MGAT4C: variants seen among roughly 807,000 people sequenced by gnomAD.
MGAT4C encodes the protein MGAT4 family member C, also known as alpha-1,3-mannosyl-glycoprotein 4-beta-N-acetylglucosaminyltransferase C.
Under a neutral mutation model 40.1 loss-of-function variants are expected in MGAT4C, and 19 were observed. The observed-to-expected ratio is 0.47, with a 90% confidence interval of 0.33 to 0.70. The LOEUF is 0.70. Among genes scored for constraint, MGAT4C ranks in the 30% least tolerant of loss-of-function variants. The pLI, the probability that MGAT4C is intolerant of heterozygous loss-of-function variation, is 0.02. For synonymous variants in MGAT4C, 181 were observed against 187.1 expected (o/e 0.97, Z 0.27); for missense variants, 491 against 563.2 (o/e 0.87, Z 1.30).
chr12:86,026,424 T>A (rs376953783), intron 2 of MGAT4C, among the ~76,000 whole-genome samples: 1 of 151,840 alleles, frequency 6.6e-6, no homozygotes, highest in East Asian at 1.9e-4. Context: ...TTTGTTTCTT[T>A]CACTATATCT....
Position 86,419,668 on chromosome 12 carries a change from A to T in MGAT4C, c.-120+15489T>A, listed in dbSNP as rs930369943. 9.1e-4 allele frequency among the ~76,000 whole-genome samples: 138 copies of T among 152,176 alleles called. 2 individuals carry two copies. Among genetic ancestry groups the T allele is most frequent in the Admixed American group, 1.2e-3 (19 of 15,270 alleles). On this transcript the variant is annotated intron_variant, in intron 3 of 7. Coordinates refer to the MGAT4C transcript ENST00000548651. ...AATGGATAGTAATATTTTGGTACTC[A>T]AGTGGAGATGAATGGACAAGGCCAT...
chr12:86,305,858 T>G lies in MGAT4C; in HGVS notation c.-57+28207A>C, dbSNP rs1395878255. Among the ~76,000 whole-genome samples the G allele has an allele frequency of 3.3e-5, 5 of 150,528 alleles. 2 individuals carry two copies. The highest frequency in any genetic ancestry group is 1.3e-4 in the African/African-American group (5 of 39,964). ...TTTTTTAATATTTTCAATCTGTGAT[T>G]TGTTGAATCCAGGGATGCGATATCA... On this transcript the variant is annotated intron_variant, in intron 4 of 7. Coordinates refer to the MGAT4C transcript ENST00000548651.
intron 1 of MGAT4C, among the ~76,000 whole-genome samples, chr12:86,055,725 C>T (rs1036949402): frequency 2.6e-5 from 4 of 151,910 alleles, no homozygotes; most frequent in Non-Finnish European, 5.9e-5. Flanking sequence ...CAACTGGCAG[C>T]TGGGTGCTTC....
At chr12:86,198,557 T>C (rs2135925661) in intron 1 of MGAT4C, among the ~76,000 whole-genome samples, 1 of 152,310 alleles carries the variant, frequency 6.6e-6, no homozygotes, top group Middle Eastern at 3.4e-3. Context: ...TTCCATCAGA[T>C]CTTCTCATTT....
intron 2 of MGAT4C, among the ~76,000 whole-genome samples, chr12:86,520,708 T>C (rs1958778614): frequency 6.6e-6 from 1 of 152,160 alleles, no homozygotes; most frequent in African/African-American, 2.4e-5. Flanking sequence ...TGTATAAGCA[T>C]TCCTTTTTCT....
At chr12:86,581,705 G>C (rs1006928555) in intron 2 of MGAT4C, among the ~76,000 whole-genome samples, 11 of 106,658 alleles carry the variant, frequency 1.0e-4, no homozygotes, top group African/African-American at 3.5e-4. Context: ...AAATATGTCT[G>C]TTATGGATCA....
At chr12:86,464,159 T>C (rs1957643212) in intron 2 of MGAT4C, among the ~76,000 whole-genome samples, 1 of 152,138 alleles carries the variant, frequency 6.6e-6, no homozygotes, top group Non-Finnish European at 1.5e-5. Flanking sequence ...TTTTTTTCCT[T>C]GATGCCTCAC....
chr12:86,421,505 C>A (rs888224908), intron 3 of MGAT4C, among the ~76,000 whole-genome samples: 1 of 152,184 alleles, frequency 6.6e-6, no homozygotes, highest in African/African-American at 2.4e-5. Context: ...GGCGCCATGG[C>A]TCACGCCTGT....
rs763067361 is a variant in MGAT4C, at chr12:85,980,372, C to G, written c.354G>C (p.Glu118Asp). The change falls in exon 5 of 5, where the codon GAG becomes GAC. Residue 118 changes from glutamate (E) to aspartate (D), a missense_variant. Glu to Asp is a conservative substitution (Grantham distance 45). Transcript: ENST00000611864. ...ATTGCTCAAAAATTGACTTAATTGT[C>G]TCAAGTAAATAGTTTCCTTTTTTTC... ...VKRKKGNYLL[E>D]TIKSIFEQSS... 27 of 1,612,800 alleles carry G rather than the reference C, an allele frequency of 1.7e-5. No individual in the cohort carries two copies. In the Admixed American group the frequency reaches 4.3e-4, roughly 26 times the overall value.
At chr12:86,581,365 CATGGAGTGATTCTGAAT>C (rs1960772096) in intron 2 of MGAT4C, among the ~76,000 whole-genome samples, 1 of 151,406 alleles carries the variant, frequency 6.6e-6, no homozygotes, top group South Asian at 2.1e-4. Flanking sequence ...GCCAGTTCTT[CATGGAGTGATTCTGAAT>C]ATTAGGCCAA....
chr12:85,984,642 CTA>C (rs1885012744), intron 3 of MGAT4C, among the ~76,000 whole-genome samples: 1 of 152,036 alleles, frequency 6.6e-6, no homozygotes, highest in Admixed American at 6.5e-5. Flanking sequence ...AGGAAAATGA[CTA>C]TTTGTTTGAC....
rs370486022 is a variant in MGAT4C at position 86,494,655 on chromosome 12, G to A, written c.-228-59390C>T. ...AAACGTGCTTTAAAATCTTCTACAG[G>A]AAGAAATTAAAAACAAATGTAGAGA... On this transcript the variant is annotated intron_variant, in intron 2 of 7. Transcript: ENST00000548651. 3.3e-5 allele frequency among the ~76,000 whole-genome samples: 5 copies of A among 151,186 alleles called. No individual in the cohort carries two copies. In the South Asian group the frequency reaches 8.4e-4, roughly 25 times the overall value.
At chr12:86,236,361 A>G (rs2136029884) in intron 1 of MGAT4C, among the ~76,000 whole-genome samples, 1 of 152,118 alleles carries the variant, frequency 6.6e-6, no homozygotes, top group African/African-American at 2.4e-5. Flanking sequence ...AAGATATTGC[A>G]TTTCTGTGTC....
chr12:86,497,070 GA>G (rs1177119919), intron 2 of MGAT4C, among the ~76,000 whole-genome samples: 1 of 151,900 alleles, frequency 6.6e-6, no homozygotes, highest in Non-Finnish European at 1.5e-5. Context: ...TTCAACTTTA[GA>G]TATTACAAAA....
At chr12:86,416,878 T>C (rs138074298) in intron 3 of MGAT4C, among the ~76,000 whole-genome samples, 26 of 152,262 alleles carry the variant, frequency 1.7e-4, no homozygotes, top group Non-Finnish European at 3.2e-4. Flanking sequence ...GATGATATCA[T>C]TGGACTGGGC....
At chr12:86,602,063 C>A (rs1961804698) in intron 2 of MGAT4C, among the ~76,000 whole-genome samples, 1 of 152,166 alleles carries the variant, frequency 6.6e-6, no homozygotes, top group Non-Finnish European at 1.5e-5. Context: ...GGAGCCTGTG[C>A]TGGCACCTGG....
intron 2 of MGAT4C, among the ~76,000 whole-genome samples, chr12:86,713,306 G>C (rs909757883): frequency 6.6e-6 from 1 of 151,942 alleles, no homozygotes; most frequent in Non-Finnish European, 1.5e-5. Context: ...TTGATGAATT[G>C]GTTCTTTTTT....
chr12:86,088,109 CA>C (rs1285716423), intron 1 of MGAT4C, among the ~76,000 whole-genome samples: 2 of 151,922 alleles, frequency 1.3e-5, no homozygotes, highest in African/African-American at 4.8e-5. Context: ...ACAAAGTTGA[CA>C]AAAACAAGCA....
At chr12:86,394,646 T>A (rs2136231423) in intron 3 of MGAT4C, among the ~76,000 whole-genome samples, 1 of 144,616 alleles carries the variant, frequency 6.9e-6, no homozygotes, top group African/African-American at 2.5e-5. Flanking sequence ...GTACTTTTTT[T>A]TTTTTGAGAC....
Sources: allele counts gnomAD v4.1 joint callset (sites outside exome capture counted in the v4.1 genomes callset), GRCh38; gene constraint gnomAD v4.1.1; transcripts MANE v1.5; gene names NCBI Gene and HGNC (gene_info 2026-07-23, HGNC 2026-07-21).